The following ANKRD44 variants were observed in gnomAD, a reference collection of about 807,000 sequenced individuals.
ANKRD44 encodes the protein serine/threonine-protein phosphatase 6 regulatory ankyrin repeat subunit B.
In ANKRD44, 35 loss-of-function variants were observed where a neutral mutation model predicts 116.0. That is an observed-to-expected ratio of 0.30 (90% CI 0.23 to 0.40). The LOEUF is 0.40. ANKRD44 is among the 10% of genes least tolerant of loss of function. The pLI is 1.00. For missense variants in ANKRD44, 1,014 were observed against 1,242.6 expected, an observed-to-expected ratio of 0.82 and a Z score of 2.77; for synonymous variants, 435 against 461.8, an observed-to-expected ratio of 0.94 and a Z score of 0.74.
At chr2:197,114,927 C>CTT (rs1177315825) in intron 8 of ANKRD44, among the ~76,000 whole-genome samples, 4 of 152,192 alleles carry the variant, frequency 2.6e-5, no homozygotes, top group African/African-American at 9.7e-5. Flanking sequence ...GTGGTTGGCT[C>CTT]ACTCATTCCT....
intron 2 of ANKRD44, among the ~76,000 whole-genome samples, chr2:197,156,088 T>C (rs566348023): frequency 1.3e-5 from 2 of 152,354 alleles, no homozygotes; most frequent in South Asian, 2.1e-4. Context: ...GGCTCACACC[T>C]GTAATCCCAT....
chr2:197,007,880 C>G lies in ANKRD44; in HGVS notation c.2056G>C (p.Val686Leu). 4.3e-6 allele frequency: 7 copies of G among 1,614,032 alleles called. No individual in the cohort carries two copies. The highest frequency in any genetic ancestry group is 5.9e-6 in the Non-Finnish European group (7 of 1,179,966). Residue 686 changes from valine (V) to leucine (L), a missense_variant, in exon 20 of 28, where the codon GTT (valine) becomes CTT (leucine). Coordinates refer to ENST00000282272, the MANE Select transcript of ANKRD44 (RefSeq NM_001195144.2). ...LAVAYGHIDA[V>L]SLLLEKEANV... ...GCTTCCTTTTCAAGTAACAATGAAA[C>G]AGCGTCAATATGTCCATATGCTACT... is the stretch of plus-strand genomic sequence containing the variant.
At chr2:197,101,170 C>T (rs1465661268) in intron 9 of ANKRD44, among the ~76,000 whole-genome samples, 2 of 151,982 alleles carry the variant, frequency 1.3e-5, no homozygotes, top group Non-Finnish European at 2.9e-5. Flanking sequence ...AATCAAATAT[C>T]CTGATAGCAC....
chr2:196,974,056 T>C (rs1428673633), intron 21 of ANKRD44, among the ~76,000 whole-genome samples: 1 of 152,074 alleles, frequency 6.6e-6, no homozygotes, highest in Admixed American at 6.6e-5. Flanking sequence ...ATTTCACAAA[T>C]ATGTGGAAAT....
chr2:197,186,638 T>TTTTTTTTTTTTTG, intron 2 of ANKRD44, among the ~76,000 whole-genome samples: 1 of 115,550 alleles, frequency 8.7e-6, no homozygotes, highest in Non-Finnish European at 1.6e-5. Context: ...TTTTTTTTTT[T>TTTTTTTTTTTTTG]TTTTTTTTTA....
chr2:197,061,041 T>C (rs1201026770), intron 16 of ANKRD44, among the ~76,000 whole-genome samples: 1 of 152,224 alleles, frequency 6.6e-6, no homozygotes, highest in East Asian at 1.9e-4. Flanking sequence ...TAGATATATA[T>C]CTGGAAGATA....
chr2:197,194,607 G>A (rs1394335517), intron 1 of ANKRD44, among the ~76,000 whole-genome samples: 3 of 152,106 alleles, frequency 2.0e-5, no homozygotes, highest in African/African-American at 7.2e-5. Flanking sequence ...TCAGAATTCA[G>A]CTTCAGTTTC....
At chr2:197,165,612 T>C (rs1335660172) in intron 2 of ANKRD44, among the ~76,000 whole-genome samples, 1 of 152,220 alleles carries the variant, frequency 6.6e-6, no homozygotes, top group Non-Finnish European at 1.5e-5. Context: ...TGCTGTTCCA[T>C]GTCTAGAAGA....
At chr2:197,157,425 A>G (rs2079847243) in intron 2 of ANKRD44, among the ~76,000 whole-genome samples, 1 of 152,146 alleles carries the variant, frequency 6.6e-6, no homozygotes, top group Non-Finnish European at 1.5e-5. Flanking sequence ...CTGTAATCCC[A>G]GCATTTTGGG....
chr2:196,990,541 C>G lies in ANKRD44; in HGVS notation c.2924-892G>C, dbSNP rs893674423. 1.6e-5 allele frequency: 20 copies of G among 1,229,568 alleles called. No individual in the cohort carries two copies. In the South Asian group the frequency reaches 5.1e-4, roughly 31 times the overall value. 76.2% of individuals were successfully genotyped at this position (1,229,568 alleles called of 1,614,324 possible). A position where few individuals can be genotyped will look rare whatever the true frequency, so the allele number is the denominator to read the frequency against. ...TTCCACCCAACAGCCTCACTGCCCT[C>G]CCTCGATTAATTCCTTCTCTACTAG... is the stretch of plus-strand genomic sequence containing the variant. On this transcript the variant is annotated intron_variant, in intron 27 of 27. Transcript: ENST00000282272.
chr2:197,124,666 CT>C (rs2078935740), intron 6 of ANKRD44, among the ~76,000 whole-genome samples: 2 of 152,156 alleles, frequency 1.3e-5, no homozygotes, highest in Admixed American at 1.3e-4. Context: ...CAACTTGGTG[CT>C]GATAGAATCC....
At chr2:197,163,291 T>C (rs1220827657) in intron 2 of ANKRD44, among the ~76,000 whole-genome samples, 1 of 152,146 alleles carries the variant, frequency 6.6e-6, no homozygotes, top group Non-Finnish European at 1.5e-5. Flanking sequence ...TGCTCACCTG[T>C]GTCCCCTCCT....
Position 197,291,236 on chromosome 2 carries a change from G to A in ANKRD44, c.27+19342C>T, listed in dbSNP as rs866384916. On this transcript the variant is annotated intron_variant, in intron 1 of 27. Coordinates refer to ENST00000282272, the MANE Select transcript of ANKRD44 (RefSeq NM_001195144.2). ...AAAAATAAATAAGATGTGGCCAGGC[G>A]CGGTGGCTCATGCCTGTAATCCGAG... is the stretch of plus-strand genomic sequence containing the variant. 1.1e-4 allele frequency among the ~76,000 whole-genome samples: 16 copies of A among 151,936 alleles called. 1 individual carries two copies. Among genetic ancestry groups the A allele is most frequent in the South Asian group, 2.1e-4 (1 of 4,806 alleles).
intron 27 of ANKRD44, chr2:196,989,858 T>G (rs940123359): frequency 8.1e-7 from 1 of 1,240,980 alleles, no homozygotes; most frequent in African/African-American, 1.5e-5. Context: ...GATTCTGATG[T>G]TTTTTAAAAG....
At chr2:197,111,600 C>T (rs2078567862) in intron 8 of ANKRD44, among the ~76,000 whole-genome samples, 1 of 150,200 alleles carries the variant, frequency 6.7e-6, no homozygotes, top group Non-Finnish European at 1.5e-5. Flanking sequence ...GATCGTGCCA[C>T]TGCACTCCAG....
chr2:197,305,967 T>TTATATATATATATA lies in ANKRD44; in HGVS notation c.27+4597_27+4610dup, dbSNP rs374313668. On this transcript the variant is annotated intron_variant, in intron 1 of 27. Transcript: ENST00000282272. ...TTTCCTATAATGACCGCAGTTCGTT[T>TTATATATATATATA]TATATATATATATATATATATATAT... Among the ~76,000 whole-genome samples the TTATATATATATATA allele has an allele frequency of 2.3e-3, 288 of 124,712 alleles. 4 individuals are homozygous for TTATATATATATATA. Among genetic ancestry groups the TTATATATATATATA allele is most frequent in the East Asian group, 9.3e-3 (43 of 4,608 alleles). The allele number at this position is 124,712 out of a possible 152,430, so 81.8% of individuals were successfully genotyped here. A position where few individuals can be genotyped will look rare whatever the true frequency, so the allele number is the denominator to read the frequency against.
chr2:197,147,086 G>A lies in ANKRD44; in HGVS notation c.131C>T (p.Pro44Leu). Residue 44 changes from proline (P) to leucine (L), a missense_variant, in exon 3 of 28, where the codon CCT (proline) becomes CTT (leucine). Transcript: ENST00000282272. The part of the protein sequence containing the change: ...VNTLDSEKRT[P>L]LHVAAFLGDA... ...TCCCAGAAATGCGGCCACATGAAGA[G>A]GGGTTCGTTTCTCAGAATCCTGAAA... 1 of 1,613,826 alleles carries A rather than the reference G, an allele frequency of 6.2e-7. No individual in the cohort carries two copies. The highest frequency in any genetic ancestry group is 8.5e-7 in the Non-Finnish European group (1 of 1,179,766).
At chr2:197,200,991 T>C (rs1358440901) in intron 1 of ANKRD44, among the ~76,000 whole-genome samples, 2 of 152,236 alleles carry the variant, frequency 1.3e-5, no homozygotes, top group African/African-American at 4.8e-5. Flanking sequence ...TGATATATAG[T>C]ATGCCTTGAG....
At chr2:197,209,224 C>T (rs940292645) in intron 1 of ANKRD44, among the ~76,000 whole-genome samples, 4 of 152,204 alleles carry the variant, frequency 2.6e-5, no homozygotes, top group Admixed American at 6.5e-5. Context: ...TTCATAGCAA[C>T]TCTTAATTAT....
Sources: allele counts gnomAD v4.1 joint callset (sites outside exome capture counted in the v4.1 genomes callset), GRCh38; gene constraint gnomAD v4.1.1; transcripts MANE v1.5; gene names NCBI Gene and HGNC (gene_info 2026-07-23, HGNC 2026-07-21).